The following ADAMTS12 variants were observed in gnomAD, a reference collection of about 807,000 sequenced individuals.
The protein encoded by ADAMTS12 is ADAM metallopeptidase with thrombospondin type 1 motif 12, also known as A disintegrin and metalloproteinase with thrombospondin motifs 12.
A neutral mutation model predicts 167.8 loss-of-function variants in ADAMTS12; 118 were observed. The observed-to-expected ratio is 0.70, with a 90% CI of 0.61 to 0.82. The LOEUF is 0.82. Among genes scored for constraint, ADAMTS12 ranks in the 40% least tolerant of loss-of-function variants. The pLI is 0.00. For missense variants in ADAMTS12, 1,916 were observed against 1,998.8 expected (o/e 0.96, Z 0.79); for synonymous variants, 704 against 716.9 (o/e 0.98, Z 0.29).
At chr5:33,844,060 CACTT>C (rs1748849442) in intron 2 of ADAMTS12, among the ~76,000 whole-genome samples, 2 of 152,030 alleles carry the variant, frequency 1.3e-5, no homozygotes, top group African/African-American at 4.8e-5. Context: ...ATTTCATGGA[CACTT>C]ATCACTTCCC....
In ADAMTS12 at chr5:33,747,742, C is replaced by T. The variant is rs556792536; in HGVS notation, c.634+3662G>A. Among the ~76,000 whole-genome samples, 3 of 152,150 alleles carry T rather than the reference C, an allele frequency of 2.0e-5. No individual in the cohort carries two copies. In the South Asian group the frequency reaches 6.2e-4, roughly 32 times the overall value. On this transcript the variant is annotated intron_variant, in intron 3 of 23. Transcript: ENST00000504830. ...AATGAATTATAGCTACATGTCCTAG[C>T]AACCCAATATTGAGTAGCAAAAGGT...
Position 33,552,748 on chromosome 5 carries a change from A to T in ADAMTS12, c.4126-3365T>A, listed in dbSNP as rs892893716. On this transcript the variant is annotated intron_variant, in intron 20 of 23. Transcript: ENST00000504830. ...GCCCATGTGTCTGTTTTTTACCAGT[A>T]CCATGCTGTTTTGGTTACTGTAGCC... 2.0e-5 allele frequency among the ~76,000 whole-genome samples: 3 copies of T among 152,198 alleles called. No homozygotes were observed. In the East Asian group the frequency reaches 5.8e-4, roughly 29 times the overall value.
intron 3 of ADAMTS12, among the ~76,000 whole-genome samples, chr5:33,750,684 G>A (rs1744941795): frequency 6.6e-6 from 1 of 152,128 alleles, no homozygotes; most frequent in African/African-American, 2.4e-5. Flanking sequence ...CTAATGCATA[G>A]CTTATTATCT....
At chr5:33,595,144 T>C (rs570572491) in intron 17 of ADAMTS12, among the ~76,000 whole-genome samples, 1 of 152,252 alleles carries the variant, frequency 6.6e-6, no homozygotes, top group South Asian at 2.1e-4. Flanking sequence ...TCCTCCTTTA[T>C]CTTTTTCCTT....
At chr5:33,677,831 C>G (rs1418688714) in intron 5 of ADAMTS12, among the ~76,000 whole-genome samples, 1 of 152,180 alleles carries the variant, frequency 6.6e-6, no homozygotes, top group Non-Finnish European at 1.5e-5. Flanking sequence ...TGAAATATGA[C>G]TATCTCGCCT....
intron 3 of ADAMTS12, among the ~76,000 whole-genome samples, chr5:33,713,808 A>G (rs932159584): frequency 2.0e-5 from 3 of 152,158 alleles, no homozygotes; most frequent in Non-Finnish European, 2.9e-5. Context: ...TTCAAGTCAG[A>G]CTGATTATAT....
chr5:33,582,045 T>A (rs1747090780), intron 18 of ADAMTS12, among the ~76,000 whole-genome samples: 1 of 152,192 alleles, frequency 6.6e-6, no homozygotes, highest in African/African-American at 2.4e-5. Context: ...GATTTGTAGC[T>A]TCTGCACATG....
chr5:33,790,622 C>T lies in ADAMTS12; in HGVS notation c.490-39074G>A, dbSNP rs116293262. Among the ~76,000 whole-genome samples, 1,189 of 150,528 alleles carry T rather than the reference C, an allele frequency of 7.9e-3. 17 individuals carry two copies. Among genetic ancestry groups the T allele is most frequent in the African/African-American group, 0.028 (1,138 of 41,222 alleles). On this transcript the variant is annotated intron_variant, in intron 2 of 23. Coordinates refer to ENST00000504830, the MANE Select transcript of ADAMTS12 (RefSeq NM_030955.4). ...ATATGGATTTGTCTGTTGCTTTCTC[C>T]TTTAACCTTTTTCTCCTGTAAATTG...
intron 2 of ADAMTS12, among the ~76,000 whole-genome samples, chr5:33,768,204 T>C (rs1745613633): frequency 6.6e-6 from 1 of 152,234 alleles, no homozygotes; most frequent in African/African-American, 2.4e-5. Context: ...ATGTTGCTCC[T>C]GGCCTCCGGT....
chr5:33,582,967 T>A (rs1245637572), intron 18 of ADAMTS12, among the ~76,000 whole-genome samples: 1 of 152,234 alleles, frequency 6.6e-6, no homozygotes, highest in Admixed American at 6.5e-5. Flanking sequence ...CCTCTCAAGC[T>A]TTTATCCTTC....
chr5:33,845,385 G>A (rs1205124895), intron 2 of ADAMTS12, among the ~76,000 whole-genome samples: 1 of 152,152 alleles, frequency 6.6e-6, no homozygotes, highest in Admixed American at 6.5e-5. Context: ...ATGGGATGAG[G>A]CAAAAGACAC....
At chr5:33,547,782 C>T (rs1579649182) in intron 21 of ADAMTS12, among the ~76,000 whole-genome samples, 3 of 152,058 alleles carry the variant, frequency 2.0e-5, no homozygotes, top group African/African-American at 4.8e-5. Flanking sequence ...GATTTGATTG[C>T]TCATCTTTGA....
chr5:33,568,988 A>G (rs1746163017), intron 19 of ADAMTS12, among the ~76,000 whole-genome samples: 1 of 152,224 alleles, frequency 6.6e-6, no homozygotes, highest in African/African-American at 2.4e-5. Context: ...AGTCTCGCTG[A>G]TTGCTAGCAC....
chr5:33,597,246 T>G (rs529331446), intron 16 of ADAMTS12, among the ~76,000 whole-genome samples: 2 of 152,286 alleles, frequency 1.3e-5, no homozygotes, highest in African/African-American at 4.8e-5. Flanking sequence ...GAAGGGGCAG[T>G]GAAGAAGCAA....
intron 3 of ADAMTS12, among the ~76,000 whole-genome samples, chr5:33,705,509 T>C (rs1045937243): frequency 4.6e-5 from 7 of 152,154 alleles, no homozygotes; most frequent in Non-Finnish European, 8.8e-5. Flanking sequence ...CATTTTCTTA[T>C]ATGCTAATAA....
At position 33,527,346 on chromosome 5, in the gene ADAMTS12, T is replaced by G; in HGVS notation, c.4627A>C (p.Lys1543Gln). The change falls in exon 24 of 24, where the codon AAA becomes CAA. Residue 1543 changes from lysine (K) to glutamine (Q), a missense_variant. Transcript: ENST00000504830. ...KSADLLCTKD[K>Q]LSASFCQTLK... ...GTCTGGCAGAAACTGGCTGACAGTTTGTCCTTAGTGCAAAGTAAATCTGTG... is the reference window on the plus strand; with the variant it reads ...GTCTGGCAGAAACTGGCTGACAGTTGGTCCTTAGTGCAAAGTAAATCTGTG... The G allele has an allele frequency of 6.2e-7, 1 of 1,614,176 alleles. No individual in the cohort carries two copies. The highest frequency in any genetic ancestry group is 8.5e-7 in the Non-Finnish European group (1 of 1,180,032).
chr5:33,605,458 T>C (rs969313913), intron 16 of ADAMTS12, among the ~76,000 whole-genome samples: 10 of 150,104 alleles, frequency 6.7e-5, no homozygotes, highest in Non-Finnish European at 1.0e-4. Context: ...GAAACAAGAA[T>C]AGATACATAT....
At position 33,523,811 on chromosome 5, in the gene ADAMTS12, A is replaced by G. The variant is rs908280182; in HGVS notation, c.*3377T>C. 2.0e-5 allele frequency: 3 copies of G among 152,240 alleles called. No homozygotes were observed. Among genetic ancestry groups the G allele is most frequent in the African/African-American group, 7.2e-5 (3 of 41,456 alleles). The allele number at this position is 152,240 out of a possible 1,614,324, so 9.4% of individuals were successfully genotyped here. Reference sequence around the variant, plus strand: ...AATAAGCAGTACAGACAACAGGAGTAGCATCAAATATGTTAGCTAGGTTGT... The same window carrying G: ...AATAAGCAGTACAGACAACAGGAGTGGCATCAAATATGTTAGCTAGGTTGT... On this transcript the variant is annotated 3_prime_UTR_variant, in exon 24 of 24. Transcript: ENST00000504830.
At chr5:33,750,468 C>T (rs16891660) in intron 3 of ADAMTS12, among the ~76,000 whole-genome samples, 7,126 of 152,184 alleles carry the variant, frequency 0.047, 588 homozygotes, top group African/African-American at 0.16. Context: ...GTTCTGAGTC[C>T]CTCCTGCCAT....
Sources: allele counts gnomAD v4.1 joint callset (sites outside exome capture counted in the v4.1 genomes callset), GRCh38; gene constraint gnomAD v4.1.1; transcripts MANE v1.5; gene names NCBI Gene and HGNC (gene_info 2026-07-23, HGNC 2026-07-21).